Variants in DNM3 observed in about 807,000 individuals in gnomAD.
DNM3 encodes the protein dynamin 3.
In DNM3, 47 loss-of-function variants were observed where a neutral mutation model predicts 101.6. The ratio of observed to expected loss-of-function variants is 0.46; its 90% CI spans 0.37 to 0.59. The LOEUF is 0.59. Ranked by LOEUF, DNM3 falls within the 20% of genes least tolerant of loss-of-function variation. DNM3 has a pLI of 0.00. For missense variants in DNM3, 849 were observed against 1,085.7 expected (o/e 0.78, Z 3.06); for synonymous variants, 385 against 387.9 (o/e 0.99, Z 0.09).
intron 13 of DNM3, among the ~76,000 whole-genome samples, chr1:172,125,163 A>G (rs953622598): frequency 1.3e-5 from 2 of 152,262 alleles, no homozygotes; most frequent in South Asian, 2.1e-4. Flanking sequence ...GTAATCTACC[A>G]AGATCAAACT....
intron 14 of DNM3, among the ~76,000 whole-genome samples, chr1:172,149,642 T>G (rs952291851): frequency 1.3e-5 from 2 of 152,152 alleles, no homozygotes; most frequent in South Asian, 4.1e-4. Context: ...AAATGAGGGC[T>G]GGTTCCCTTG....
intron 14 of DNM3, among the ~76,000 whole-genome samples, chr1:172,186,844 A>G (rs1572873637): frequency 6.6e-6 from 1 of 152,100 alleles, no homozygotes; most frequent in Non-Finnish European, 1.5e-5. Context: ...ACACATTCAC[A>G]GATTGATTTC....
intron 16 of DNM3, among the ~76,000 whole-genome samples, chr1:172,312,894 C>G (rs2065142047): frequency 6.6e-6 from 1 of 152,134 alleles, no homozygotes; most frequent in African/African-American, 2.4e-5. Flanking sequence ...TTCTCTTTCA[C>G]CTTTCTGGAT....
At chr1:171,940,786 A>T (rs79309331) in intron 2 of DNM3, among the ~76,000 whole-genome samples, 1 of 152,104 alleles carries the variant, frequency 6.6e-6, no homozygotes, top group East Asian at 1.9e-4. Context: ...CTGACTTTTC[A>T]TCATTGTACT....
chr1:172,227,992 T>G lies in DNM3; in HGVS notation c.1660-25581T>G, dbSNP rs1228698995. ...TTCATTATCTGAGAACTACTAATAC[T>G]CTCCTTGACACTTTTCTATTAGGGT... On this transcript the variant is annotated intron_variant, in intron 14 of 20. Coordinates refer to ENST00000627582, the MANE Select transcript of DNM3 (RefSeq NM_015569.5). Among the ~76,000 whole-genome samples the G allele has an allele frequency of 3.3e-5, 5 of 152,292 alleles. No individual in the cohort carries two copies. In the East Asian group the frequency reaches 5.8e-4, roughly 18 times the overall value.
At chr1:172,117,753 G>A (rs1337040840) in intron 13 of DNM3, among the ~76,000 whole-genome samples, 1 of 152,176 alleles carries the variant, frequency 6.6e-6, no homozygotes, top group Non-Finnish European at 1.5e-5. Flanking sequence ...GGAGAAAGAG[G>A]TTGTTTTTAG....
At chr1:172,185,019 A>G (rs891517710) in intron 14 of DNM3, among the ~76,000 whole-genome samples, 3 of 151,350 alleles carry the variant, frequency 2.0e-5, no homozygotes, top group Non-Finnish European at 3.0e-5. Flanking sequence ...AGTGATTTGG[A>G]AAAAAAAAGG....
chr1:171,845,315 A>C (rs2124958068), intron 1 of DNM3, among the ~76,000 whole-genome samples: 1 of 152,322 alleles, frequency 6.6e-6, no homozygotes, highest in African/African-American at 2.4e-5. Flanking sequence ...TGGGGAGGCC[A>C]AGGCGGGAGG....
At chr1:172,324,201 T>C (rs1477347601) in intron 17 of DNM3, among the ~76,000 whole-genome samples, 3 of 152,222 alleles carry the variant, frequency 2.0e-5, no homozygotes, top group African/African-American at 7.2e-5. Flanking sequence ...GATACATTAG[T>C]GCTTCACCCT....
At chr1:172,083,811 G>C (rs2053329191) in intron 12 of DNM3, among the ~76,000 whole-genome samples, 2 of 152,006 alleles carry the variant, frequency 1.3e-5, no homozygotes, top group Admixed American at 1.3e-4. Context: ...TTGATTTATA[G>C]GTTTCCAAGG....
Position 172,287,276 on chromosome 1 carries a change from A to G in DNM3, c.1770-21452A>G, listed in dbSNP as rs139892477. Among the ~76,000 whole-genome samples the G allele has an allele frequency of 1.7e-4, 26 of 152,328 alleles. No individual in the cohort carries two copies. The East Asian group carries it at 5.0e-3, about 29-fold the overall frequency. ...AATAGTTAGATATTAAACATCCTAT[A>G]TTGTGAGAGGTTTCTACCATTTAAA... On this transcript the variant is annotated intron_variant, in intron 15 of 20. Coordinates refer to ENST00000627582, the MANE Select transcript of DNM3 (RefSeq NM_015569.5).
chr1:171,981,532 A>G (rs2044792133), intron 2 of DNM3, among the ~76,000 whole-genome samples: 1 of 152,246 alleles, frequency 6.6e-6, no homozygotes, highest in Non-Finnish European at 1.5e-5. Context: ...AATGCATCTC[A>G]TCCTTCCCCC....
chr1:172,323,373 C>A (rs369718708), intron 17 of DNM3, 33 bp downstream of exon 17: 528 of 1,598,716 alleles, frequency 3.3e-4, no homozygotes, highest in Non-Finnish European at 4.2e-4. Flanking sequence ...GCTCTTCTGT[C>A]CCCCCAGCCC....
At chr1:171,938,994 G>T (rs577466114) in intron 2 of DNM3, among the ~76,000 whole-genome samples, 2 of 152,096 alleles carry the variant, frequency 1.3e-5, no homozygotes, top group Non-Finnish European at 2.9e-5. Flanking sequence ...GTGAATTGCT[G>T]GTTATGTTAA....
intron 2 of DNM3, among the ~76,000 whole-genome samples, chr1:171,966,265 C>G (rs932274997): frequency 6.6e-6 from 1 of 152,330 alleles, no homozygotes. Context: ...CAGGCTTGAG[C>G]TTTCTCTGGC....
At chr1:172,066,817 T>A (rs942217546) in intron 10 of DNM3, among the ~76,000 whole-genome samples, 4 of 152,204 alleles carry the variant, frequency 2.6e-5, no homozygotes, top group Admixed American at 2.0e-4. Flanking sequence ...TTTAACATCA[T>A]CAGATACTAG....
chr1:172,054,217 A>C (rs1460068385), intron 10 of DNM3, among the ~76,000 whole-genome samples: 1 of 152,214 alleles, frequency 6.6e-6, no homozygotes, highest in East Asian at 1.9e-4. Context: ...CCAGTGAAAA[A>C]CATATGTGAT....
intron 1 of DNM3, among the ~76,000 whole-genome samples, chr1:171,854,882 T>A (rs942041708): frequency 1.3e-5 from 2 of 152,250 alleles, no homozygotes; most frequent in Middle Eastern, 3.4e-3. Context: ...TTTCCTTTTT[T>A]AAAAATTATT....
intron 20 of DNM3, among the ~76,000 whole-genome samples, chr1:172,403,675 TC>T (rs773135642): frequency 2.0e-4 from 30 of 152,102 alleles, no homozygotes; most frequent in Non-Finnish European, 3.2e-4. Context: ...TATTACTTCT[TC>T]CCCTTTGATT....
Sources: gnomAD v4.1 joint callset for allele counts (sites outside exome capture counted in the v4.1 genomes callset) on GRCh38, gnomAD v4.1.1 for gene constraint, MANE v1.5 for transcripts, NCBI Gene and HGNC (gene_info 2026-07-23, HGNC 2026-07-21) for gene names.